SMAD3: variants seen among roughly 807,000 people sequenced by gnomAD.
SMAD3 encodes SMAD family member 3.
A neutral mutation model predicts 51.8 loss-of-function variants in SMAD3; 12 were observed. The observed-to-expected ratio is 0.23, with a 90% CI of 0.15 to 0.38. The LOEUF (loss-of-function observed/expected upper bound fraction) is 0.38, where lower values mean the gene tolerates loss of function less well. Among genes scored for constraint, SMAD3 ranks in the 10% least tolerant of loss-of-function variants. The pLI is 1.00. For synonymous variants in SMAD3, 238 were observed against 227.7 expected (o/e 1.05, Z -0.41); for missense variants, 294 against 565.6 (o/e 0.52, Z 4.87).
At chr15:67,094,033 G>T (rs890977576) in intron 1 of SMAD3, among the ~76,000 whole-genome samples, 3 of 152,260 alleles carry the variant, frequency 2.0e-5, no homozygotes, top group Non-Finnish European at 2.9e-5. Flanking sequence ...AGGGCTCTTT[G>T]TGTGACCACG....
chr15:67,120,631 C>A (rs1159914304), intron 1 of SMAD3, among the ~76,000 whole-genome samples: 1 of 152,102 alleles, frequency 6.6e-6, no homozygotes, highest in African/African-American at 2.4e-5. Context: ...GGGAACACTC[C>A]GTGGAGAGTG....
At chr15:67,176,063 C>T (rs1962884858) in intron 5 of SMAD3, among the ~76,000 whole-genome samples, 1 of 152,198 alleles carries the variant, frequency 6.6e-6, no homozygotes, top group African/African-American at 2.4e-5. Context: ...GCTAAAAGGG[C>T]ATGGGGGTCT....
intron 1 of SMAD3, among the ~76,000 whole-genome samples, chr15:67,099,931 C>T (rs919528151): frequency 5.3e-5 from 8 of 152,134 alleles, no homozygotes; most frequent in African/African-American, 1.9e-4. Context: ...CCTGTAATCC[C>T]AGCACTTTGG....
At chr15:67,119,030 A>C (rs895510836) in intron 1 of SMAD3, among the ~76,000 whole-genome samples, 2 of 152,130 alleles carry the variant, frequency 1.3e-5, no homozygotes, top group Admixed American at 1.3e-4. Flanking sequence ...GAGAGGTCTG[A>C]GCTGAGATAT....
rs747191952 is a variant in SMAD3 at position 67,193,694 on chromosome 15, AT to A, written c.*3171del. 13,987 of 201,840 alleles carry A rather than the reference AT, an allele frequency of 0.069. 16 individuals carry two copies. Among genetic ancestry groups the A allele is most frequent in the East Asian group, 0.14 (1,768 of 13,026 alleles). 12.5% of individuals were successfully genotyped at this position (201,840 alleles called of 1,614,324 possible). A position where few individuals can be genotyped will look rare whatever the true frequency, so the allele number is the denominator to read the frequency against. ...ATTGTCCTTATGTTGTCTGTGTTGT[AT>A]TTTTTTTTTTTTATTGACCATGGTG... On this transcript the variant is annotated 3_prime_UTR_variant, in exon 9 of 9. Coordinates refer to ENST00000327367, the MANE Select transcript of SMAD3 (RefSeq NM_005902.4).
intron 1 of SMAD3, among the ~76,000 whole-genome samples, chr15:67,110,271 T>C (rs151194416): frequency 1.9e-3 from 293 of 152,298 alleles, no homozygotes; most frequent in African/African-American, 6.9e-3. Context: ...TCAAGGCATA[T>C]AGATGCAGTG....
In SMAD3 at chr15:67,165,129, G is replaced by A. The variant is rs1458703147; in HGVS notation, c.400+41G>A. The A allele has an allele frequency of 3.7e-6, 6 of 1,612,066 alleles. No individual in the cohort carries two copies. In the Admixed American group the frequency reaches 6.7e-5, roughly 18 times the overall value. On this transcript the variant is annotated intron_variant, in intron 2 of 8. Transcript: ENST00000327367. ...TGCCTGTGGGGACAGCAGGTGCCAG[G>A]GGTCATCACCTCTCCCCGGCTCCCC...
intron 1 of SMAD3, among the ~76,000 whole-genome samples, chr15:67,075,083 G>A (rs557109746): frequency 6.6e-6 from 1 of 151,930 alleles, no homozygotes; most frequent in South Asian, 2.1e-4. Context: ...TTTTTTAAAG[G>A]TCTGTTTTTA....
At chr15:67,156,864 G>A (rs1341374304) in intron 1 of SMAD3, among the ~76,000 whole-genome samples, 4 of 152,220 alleles carry the variant, frequency 2.6e-5, no homozygotes. Flanking sequence ...GAGAGGACAG[G>A]CAGAGACATA....
intron 1 of SMAD3, among the ~76,000 whole-genome samples, chr15:67,117,466 C>A (rs1204527098): frequency 6.6e-6 from 1 of 152,152 alleles, no homozygotes; most frequent in African/African-American, 2.4e-5. Context: ...GCAGGTCCCC[C>A]CAAGTTCCAG....
intron 7 of SMAD3, among the ~76,000 whole-genome samples, chr15:67,185,859 G>A (rs543373828): frequency 6.6e-6 from 1 of 152,388 alleles, no homozygotes; most frequent in African/African-American, 2.4e-5. Flanking sequence ...AGTGGAGCAG[G>A]TAACCTGGCC....
At chr15:67,077,313 G>C (rs1960192484) in intron 1 of SMAD3, among the ~76,000 whole-genome samples, 3 of 152,174 alleles carry the variant, frequency 2.0e-5, no homozygotes, top group Admixed American at 2.0e-4. Flanking sequence ...TCCCAGTCCA[G>C]GTGGCACCAT....
intron 1 of SMAD3, among the ~76,000 whole-genome samples, chr15:67,079,098 C>T (rs1030728799): frequency 6.6e-6 from 1 of 151,922 alleles, no homozygotes; most frequent in Admixed American, 6.6e-5. Context: ...CCTGCCTCAG[C>T]CTCCCGAGTA....
chr15:67,177,230 A>G (rs1470002), intron 5 of SMAD3, among the ~76,000 whole-genome samples: 81,004 of 151,372 alleles, frequency 0.54, 22,328 homozygotes, highest in Non-Finnish European at 0.62. Flanking sequence ...GCCATAGACC[A>G]TGTCATGTTC....
At position 67,184,800 on chromosome 15, in the gene SMAD3, C is replaced by G. The variant is rs1363502533; in HGVS notation, c.945C>G (p.Val315=). ...AECLSDSAIF[V]QSPNCNQRYG... ...GCCTCAGTGACAGCGCTATTTTTGT[C>G]CAGTCTCCCAACTGTAACCAGCGCT... The change falls in exon 7 of 9, where the codon GTC becomes GTG. Residue 315 remains valine, a synonymous_variant. Transcript: ENST00000327367. 1 of 1,613,720 alleles carries G rather than the reference C, an allele frequency of 6.2e-7. No homozygotes were observed. The highest frequency in any genetic ancestry group is 1.3e-5 in the African/African-American group (1 of 74,924).
intron 6 of SMAD3, among the ~76,000 whole-genome samples, chr15:67,183,399 C>T (rs918266354): frequency 6.8e-6 from 1 of 147,120 alleles, no homozygotes; most frequent in African/African-American, 2.5e-5. Context: ...TCTTCGCATC[C>T]CCACCTCTGC....
Position 67,168,991 on chromosome 15 carries a change from T to C in SMAD3, c.608-1563T>C, listed in dbSNP as rs191254761. On this transcript the variant is annotated intron_variant, in intron 4 of 8. Transcript: ENST00000327367. ...AGACTTGTGAGAAGGCCCCTTGGAC[T>C]TCCTAGGTCTTTGTGGTTCAGGCCA... Among the ~76,000 whole-genome samples, 6 of 152,292 alleles carry C rather than the reference T, an allele frequency of 3.9e-5. No homozygotes were observed. The East Asian group carries it at 1.2e-3, about 29-fold the overall frequency.
At chr15:67,111,195 T>G (rs1452966433) in intron 1 of SMAD3, among the ~76,000 whole-genome samples, 1 of 152,230 alleles carries the variant, frequency 6.6e-6, no homozygotes. Context: ...TACTTTCTGG[T>G]TCTCTGGATT....
rs200414958 is a variant in SMAD3, at chr15:67,097,390, G to GT, written c.206+31038dup. On this transcript the variant is annotated intron_variant, in intron 1 of 8. Coordinates refer to ENST00000327367, the MANE Select transcript of SMAD3 (RefSeq NM_005902.4). ...ATCTCTATGCTGGGCTAATTTTCATGTTTTTTTTGTTGTTGTTTTTTGTTG... is the reference window on the plus strand; with the variant it reads ...ATCTCTATGCTGGGCTAATTTTCATGTTTTTTTTTGTTGTTGTTTTTTGTTG... Among the ~76,000 whole-genome samples, 733 of 151,690 alleles carry GT rather than the reference G, an allele frequency of 4.8e-3. 7 individuals are homozygous for GT. Among genetic ancestry groups the GT allele is most frequent in the Non-Finnish European group, 7.7e-3 (523 of 67,866 alleles).
Sources: gnomAD v4.1 joint callset for allele counts (sites outside exome capture counted in the v4.1 genomes callset) on GRCh38, gnomAD v4.1.1 for gene constraint, MANE v1.5 for transcripts, NCBI Gene and HGNC (gene_info 2026-07-23, HGNC 2026-07-21) for gene names.